Variants in IFT43 observed in about 807,000 individuals in gnomAD.
The protein encoded by IFT43 is intraflagellar transport 43, also known as intraflagellar transport protein 43 homolog.
IFT43 carries 33 observed loss-of-function variants against 32.3 expected under a neutral mutation model. The ratio of observed to expected loss-of-function variants is 1.02; its 90% confidence interval spans 0.77 to 1.37. The LOEUF is 1.37. Among genes scored for constraint, IFT43 ranks in the 40% most tolerant of loss-of-function variants. The pLI, the probability that IFT43 is intolerant of heterozygous loss-of-function variation, is 0.00. For synonymous variants in IFT43, 93 were observed against 98.2 expected, an observed-to-expected ratio of 0.95 and a Z score of 0.31; for missense variants, 274 against 265.9, an observed-to-expected ratio of 1.03 and a Z score of -0.21.
chr14:76,017,389 G>T (rs1369476071), intron 2 of IFT43, among the ~76,000 whole-genome samples: 1 of 152,074 alleles, frequency 6.6e-6, no homozygotes, highest in Non-Finnish European at 1.5e-5. Flanking sequence ...TTGCATCCCT[G>T]GGATAAATCC....
intron 3 of IFT43, among the ~76,000 whole-genome samples, chr14:76,023,055 G>T (rs967544921): frequency 2.6e-5 from 4 of 152,194 alleles, no homozygotes; most frequent in Non-Finnish European, 4.4e-5. Context: ...TCCTGGGAAG[G>T]CTGGGAAACC....
intron 5 of IFT43, among the ~76,000 whole-genome samples, chr14:76,069,181 G>T (rs766477571): frequency 1.3e-5 from 2 of 152,164 alleles, no homozygotes; most frequent in African/African-American, 4.8e-5. Context: ...GGCACGTCAC[G>T]TGGCGAAAGC....
intron 3 of IFT43, among the ~76,000 whole-genome samples, chr14:76,034,785 T>C (rs1566718016): frequency 6.6e-6 from 1 of 152,202 alleles, no homozygotes; most frequent in Non-Finnish European, 1.5e-5. Context: ...AGTTCAGGAA[T>C]TGCCTGGGGC....
chr14:76,049,974 C>T (rs976041626), intron 3 of IFT43, among the ~76,000 whole-genome samples: 2 of 152,180 alleles, frequency 1.3e-5, no homozygotes, highest in Non-Finnish European at 1.5e-5. Flanking sequence ...TCAGCCCTGA[C>T]GCCATTCTCA....
downstream of IFT43, chr14:76,083,852 A>T (rs1227613707): frequency 3.4e-6 from 2 of 589,330 alleles, no homozygotes; most frequent in Non-Finnish European, 6.3e-6. Flanking sequence ...GTTGCGGAGC[A>T]TGTGGGAGAG....
intron 2 of IFT43, among the ~76,000 whole-genome samples, chr14:75,990,661 GA>G (rs2139865354): frequency 6.6e-6 from 1 of 152,310 alleles, no homozygotes; most frequent in African/African-American, 2.4e-5. Flanking sequence ...TGGAGCATTG[GA>G]GGCACAGTTA....
chr14:76,064,973 T>C (rs994037144), intron 5 of IFT43, among the ~76,000 whole-genome samples: 3 of 152,224 alleles, frequency 2.0e-5, no homozygotes, highest in Non-Finnish European at 4.4e-5. Flanking sequence ...CTAAATGTTA[T>C]AGCAAAATCG....
intron 5 of IFT43, among the ~76,000 whole-genome samples, chr14:76,074,442 G>C (rs2037377085): frequency 6.6e-6 from 1 of 152,166 alleles, no homozygotes; most frequent in Admixed American, 6.5e-5. Context: ...ACAGTATCCA[G>C]CGGGCCATAC....
chr14:76,027,688 A>G (rs1176742635), intron 3 of IFT43, among the ~76,000 whole-genome samples: 19 of 148,906 alleles, frequency 1.3e-4, no homozygotes, highest in African/African-American at 3.2e-4. Flanking sequence ...CAGCCTGGGC[A>G]ACAGAGTGAG....
chr14:76,054,593 G>C (rs1342544161), intron 3 of IFT43, among the ~76,000 whole-genome samples: 1 of 152,240 alleles, frequency 6.6e-6, no homozygotes, highest in Non-Finnish European at 1.5e-5. Flanking sequence ...CTCAGCCGAG[G>C]TAGTGTTTGT....
chr14:76,051,235 T>G (rs1004101788), intron 3 of IFT43, among the ~76,000 whole-genome samples: 2 of 148,100 alleles, frequency 1.4e-5, no homozygotes, highest in Non-Finnish European at 3.0e-5. Context: ...TACTAGATGC[T>G]AAACACATGA....
chr14:76,066,439 A>G (rs1037449374), intron 5 of IFT43, among the ~76,000 whole-genome samples: 1 of 151,994 alleles, frequency 6.6e-6, no homozygotes, highest in Non-Finnish European at 1.5e-5. Flanking sequence ...TACACTTCAC[A>G]CTCGACTTAG....
chr14:76,070,661 G>T (rs1317688700), intron 5 of IFT43, among the ~76,000 whole-genome samples: 6 of 152,138 alleles, frequency 3.9e-5, no homozygotes, highest in African/African-American at 1.4e-4. Flanking sequence ...CTAGTGTGAG[G>T]TGACTGGATT....
intron 2 of IFT43, among the ~76,000 whole-genome samples, chr14:76,004,333 A>C (rs951928038): frequency 6.6e-6 from 1 of 151,956 alleles, no homozygotes; most frequent in Non-Finnish European, 1.5e-5. Flanking sequence ...TTCCAGATTG[A>C]GAGTTTTTTT....
In IFT43 at chr14:76,083,231, G is replaced by T. The variant is rs750025929; in HGVS notation, c.449G>T (p.Gly150Val). ...MKYSAIQTLD[G>V]EIDLKLLTKV... The stretch of plus-strand genomic sequence containing the variant: ...TTTTTTTGTTTGCATTCACAGGATG[G>T]GGAGATCGACCTGAAACTCCTCACC... The change falls in exon 8 of 9, where the codon GGG becomes GTG. Residue 150 changes from glycine to valine, a missense_variant. By Grantham distance (109) the Gly-to-Val change is moderately radical (BLOSUM62 -3). Transcript: ENST00000314067. 6.2e-7 allele frequency: 1 copy of T among 1,614,100 alleles called. No individual in the cohort carries two copies.
chr14:75,995,742 C>T (rs199568771), intron 2 of IFT43, among the ~76,000 whole-genome samples: 3 of 152,160 alleles, frequency 2.0e-5, no homozygotes, highest in African/African-American at 4.8e-5. Context: ...CATTTTCCAG[C>T]GTTTTTCATA....
chr14:76,077,753 C>A (rs560183240), intron 5 of IFT43, among the ~76,000 whole-genome samples: 1 of 152,316 alleles, frequency 6.6e-6, no homozygotes, highest in South Asian at 2.1e-4. Flanking sequence ...TGGAAGGGAT[C>A]TGGCATAGCC....
At chr14:76,017,473 G>A (rs2036210589) in intron 2 of IFT43, among the ~76,000 whole-genome samples, 1 of 152,064 alleles carries the variant, frequency 6.6e-6, no homozygotes, top group African/African-American at 2.4e-5. Flanking sequence ...GGGGATTTTT[G>A]CATCCTATGT....
chr14:76,058,632 T>C lies in IFT43; in HGVS notation c.216-10T>C, dbSNP rs2037071367. 6.2e-7 allele frequency: 1 copy of C among 1,613,108 alleles called. No individual in the cohort carries two copies. Among genetic ancestry groups the C allele is most frequent in the Non-Finnish European group, 8.5e-7 (1 of 1,179,774 alleles). On this transcript the variant is annotated splice_polypyrimidine_tract_variant and intron_variant, in intron 3 of 8. Coordinates refer to ENST00000314067, the MANE Select transcript of IFT43 (RefSeq NM_001102564.3). Reference sequence around the variant, plus strand: ...TCTCAAAAACCTTGTCTTTTCTTTTTTTTTTTCAGGTTTAGGAGGAAGGCT... The same window carrying C: ...TCTCAAAAACCTTGTCTTTTCTTTTCTTTTTTCAGGTTTAGGAGGAAGGCT...
Sources: gnomAD v4.1 joint callset for allele counts (sites outside exome capture counted in the v4.1 genomes callset) on GRCh38, gnomAD v4.1.1 for gene constraint, MANE v1.5 for transcripts, NCBI Gene and HGNC (gene_info 2026-07-23, HGNC 2026-07-21) for gene names.